Variants in MAP2K5 observed in about 807,000 individuals in gnomAD.
The protein encoded by MAP2K5 is mitogen-activated protein kinase kinase 5.
MAP2K5 carries 49 observed loss-of-function variants against 83.1 expected under a neutral mutation model. The observed-to-expected ratio is 0.59, with a 90% CI of 0.47 to 0.75. The LOEUF (loss-of-function observed/expected upper bound fraction) is 0.75. Ranked by LOEUF, MAP2K5 falls within the 30% of genes least tolerant of loss-of-function variation. The probability of loss-of-function intolerance (pLI) is 0.00; values close to 1 mark genes in which losing one functional copy is unlikely to be tolerated. For synonymous variants in MAP2K5, 202 were observed against 191.8 expected, an observed-to-expected ratio of 1.05 and a Z score of -0.44; for missense variants, 457 against 557.5, an observed-to-expected ratio of 0.82 and a Z score of 1.82.
In MAP2K5 at chr15:67,727,962, C is replaced by T; in HGVS notation, c.1074+17C>T. 6.2e-7 allele frequency: 1 copy of T among 1,605,562 alleles called. No homozygotes were observed. Among genetic ancestry groups the T allele is most frequent in the African/African-American group, 1.3e-5 (1 of 74,840 alleles). Reference sequence around the variant, plus strand: ...TATCCTCAGGTAAGATTGTTCATTACTGCTGTTTGCCACTGTGACATTCAT... The same window carrying T: ...TATCCTCAGGTAAGATTGTTCATTATTGCTGTTTGCCACTGTGACATTCAT... On this transcript the variant is annotated intron_variant, in intron 17 of 21. Coordinates refer to ENST00000178640, the MANE Select transcript of MAP2K5 (RefSeq NM_145160.3).
At chr15:67,728,653 C>T (rs1316430050) in intron 17 of MAP2K5, among the ~76,000 whole-genome samples, 3 of 152,190 alleles carry the variant, frequency 2.0e-5, no homozygotes, top group Admixed American at 6.5e-5. Flanking sequence ...TTGATGTTCA[C>T]TGTTTTTCTG....
At chr15:67,658,175 A>G (rs2087136294) in intron 11 of MAP2K5, among the ~76,000 whole-genome samples, 1 of 152,134 alleles carries the variant, frequency 6.6e-6, no homozygotes, top group African/African-American at 2.4e-5. Context: ...CTAAGATATT[A>G]CCCTGGTTTA....
chr15:67,603,996 C>T (rs936439836), intron 8 of MAP2K5, among the ~76,000 whole-genome samples: 6 of 152,204 alleles, frequency 3.9e-5, no homozygotes, highest in African/African-American at 1.2e-4. Context: ...TTATTCACTT[C>T]ACTTGATGGA....
intron 11 of MAP2K5, among the ~76,000 whole-genome samples, chr15:67,648,425 G>A (rs1474768129): frequency 1.3e-5 from 2 of 151,992 alleles, no homozygotes; most frequent in Non-Finnish European, 2.9e-5. Flanking sequence ...TTTTATTGCT[G>A]AATAACATTT....
At chr15:67,685,487 C>G (rs1478407468) in intron 13 of MAP2K5, among the ~76,000 whole-genome samples, 1 of 152,026 alleles carries the variant, frequency 6.6e-6, no homozygotes, top group Admixed American at 6.6e-5. Flanking sequence ...ATGGTTAGAT[C>G]TACACAAAGG....
At chr15:67,686,434 C>T (rs1456191128) in intron 13 of MAP2K5, among the ~76,000 whole-genome samples, 1 of 151,646 alleles carries the variant, frequency 6.6e-6, no homozygotes, top group Non-Finnish European at 1.5e-5. Context: ...TGGTGAAACC[C>T]CCGTCTCACT....
At chr15:67,664,013 G>A (rs987077389) in intron 12 of MAP2K5, among the ~76,000 whole-genome samples, 1 of 152,088 alleles carries the variant, frequency 6.6e-6, no homozygotes, top group South Asian at 2.1e-4. Context: ...TATGAATTCA[G>A]CATAGGTACT....
In MAP2K5 at chr15:67,793,747, T is replaced by C. The variant is rs1016248650; in HGVS notation, c.1243-12899T>C. Among the ~76,000 whole-genome samples the C allele has an allele frequency of 9.2e-5, 14 of 152,254 alleles. No individual in the cohort carries two copies. The highest frequency in any genetic ancestry group is 2.9e-4 in the African/African-American group (12 of 41,468). ...TGGCCATTTCACTGTATAGAAAATATACTCTTTGATCACGTTGTATATAAA... is the reference window on the plus strand; with the variant it reads ...TGGCCATTTCACTGTATAGAAAATACACTCTTTGATCACGTTGTATATAAA... On this transcript the variant is annotated intron_variant, in intron 21 of 21. Coordinates refer to ENST00000178640, the MANE Select transcript of MAP2K5 (RefSeq NM_145160.3). The surrounding 1 kb of genome is among the most constrained non-coding windows in gnomAD (Gnocchi z 4.6).
Position 67,794,495 on chromosome 15 carries a change from A to G in MAP2K5, c.1243-12151A>G, listed in dbSNP as rs2090570767. 6.6e-6 allele frequency among the ~76,000 whole-genome samples: 1 copy of G among 152,158 alleles called. No homozygotes were observed. The highest frequency in any genetic ancestry group is 2.4e-5 in the African/African-American group (1 of 41,428). On this transcript the variant is annotated intron_variant, in intron 21 of 21. Transcript: ENST00000178640. The surrounding 1 kb of genome is among the most constrained non-coding windows in gnomAD (Gnocchi z 4.6). ...ACTTGAGAATAATTGGTAATTTTCA[A>G]TCCTGTAGAAAACTAGACTAGGTCT... is the stretch of plus-strand genomic sequence containing the variant.
intron 21 of MAP2K5, among the ~76,000 whole-genome samples, chr15:67,797,883 G>T (rs11635413): frequency 6.6e-6 from 1 of 152,024 alleles, no homozygotes; most frequent in East Asian, 1.9e-4. Flanking sequence ...GGGTTTCACC[G>T]TATTGGTCAG....
At chr15:67,670,541 C>T in intron 13 of MAP2K5, 1 of 445,442 alleles carries the variant, frequency 2.2e-6, no homozygotes, top group South Asian at 1.6e-5. Context: ...GCTCTTCTTA[C>T]ATCTTAGCAG....
In MAP2K5 at chr15:67,637,201, A is replaced by G. The variant is rs544470752; in HGVS notation, c.585+6274A>G. Among the ~76,000 whole-genome samples the G allele has an allele frequency of 3.9e-5, 6 of 152,226 alleles. No individual in the cohort carries two copies. In the East Asian group the frequency reaches 9.7e-4, roughly 25 times the overall value. Reference sequence around the variant, plus strand: ...TTGCTCCTCAGCTTGCAGATGGCCTATTGTGGGACTTCACCTTGTCATCCT... The same window carrying G: ...TTGCTCCTCAGCTTGCAGATGGCCTGTTGTGGGACTTCACCTTGTCATCCT... On this transcript the variant is annotated intron_variant, in intron 9 of 21. Coordinates refer to ENST00000178640, the MANE Select transcript of MAP2K5 (RefSeq NM_145160.3). The surrounding 1 kb of genome is among the most constrained non-coding windows in gnomAD (Gnocchi z 4.5).
In MAP2K5 at chr15:67,738,885, C is replaced by T. The variant is rs1310846117; in HGVS notation, c.1075-9346C>T. The stretch of plus-strand genomic sequence containing the variant: ...CCTGTCCACACCTTCAGCCCTCTTG[C>T]TCATCACCATCTCCCTCCGATTACT... On this transcript the variant is annotated intron_variant, in intron 17 of 21. Transcript: ENST00000178640. This position sits in a 1 kb window ranked among gnomAD's most constrained non-coding sequence, Gnocchi z 4.1. Among the ~76,000 whole-genome samples, 3 of 152,212 alleles carry T rather than the reference C, an allele frequency of 2.0e-5. No homozygotes were observed. Among genetic ancestry groups the T allele is most frequent in the Non-Finnish European group, 4.4e-5 (3 of 68,050 alleles).
intron 12 of MAP2K5, among the ~76,000 whole-genome samples, chr15:67,660,101 C>T (rs1376171344): frequency 6.6e-6 from 1 of 152,040 alleles, no homozygotes; most frequent in East Asian, 1.9e-4. Context: ...GTTTTCCCCC[C>T]TAAATATGTG....
chr15:67,662,742 A>G lies in MAP2K5; in HGVS notation c.799-1855A>G, dbSNP rs556073856. On this transcript the variant is annotated intron_variant, in intron 12 of 21. Coordinates refer to ENST00000178640, the MANE Select transcript of MAP2K5 (RefSeq NM_145160.3). ...TTTTTTTCAGTATCTCATTCAACTA[A>G]TTACTCTTAACTCAGGCTATGAGAG... 7.9e-5 allele frequency among the ~76,000 whole-genome samples: 12 copies of G among 152,248 alleles called. No individual in the cohort carries two copies. In the East Asian group the frequency reaches 2.3e-3, roughly 29 times the overall value.
intron 4 of MAP2K5, among the ~76,000 whole-genome samples, chr15:67,583,265 G>A (rs982444487): frequency 6.6e-6 from 1 of 152,136 alleles, no homozygotes; most frequent in African/African-American, 2.4e-5. Context: ...TAATTAGAGT[G>A]TGCATGGGAG....
chr15:67,584,647 T>C (rs1368978553), intron 4 of MAP2K5, among the ~76,000 whole-genome samples: 1 of 151,888 alleles, frequency 6.6e-6, no homozygotes, highest in Non-Finnish European at 1.5e-5. Flanking sequence ...CTGCAGTGTT[T>C]TGTAATTATT....
rs1318310227 is a variant in MAP2K5, at chr15:67,760,436, A to C, written c.1135-9166A>C. ...TATATAAAATTAGATTTTATTAACTATTGCTGAAAAAAATCTATATTTTTA... is the reference window on the plus strand; with the variant it reads ...TATATAAAATTAGATTTTATTAACTCTTGCTGAAAAAAATCTATATTTTTA... On this transcript the variant is annotated intron_variant, in intron 19 of 21. Transcript: ENST00000178640. This position sits in a 1 kb window ranked among gnomAD's most constrained non-coding sequence, Gnocchi z 4.1. Among the ~76,000 whole-genome samples the C allele has an allele frequency of 6.6e-6, 1 of 152,194 alleles. No individual in the cohort carries two copies. The highest frequency in any genetic ancestry group is 1.5e-5 in the Non-Finnish European group (1 of 68,030).
chr15:67,695,819 A>T (rs2088238031), intron 15 of MAP2K5, among the ~76,000 whole-genome samples: 1 of 152,186 alleles, frequency 6.6e-6, no homozygotes, highest in South Asian at 2.1e-4. Flanking sequence ...AAATGTGAGG[A>T]TTAAAATTAT....
Sources: allele counts gnomAD v4.1 joint callset (sites outside exome capture counted in the v4.1 genomes callset), GRCh38; gene constraint gnomAD v4.1.1; non-coding constraint Gnocchi (gnomAD v3.1); transcripts MANE v1.5; gene names NCBI Gene and HGNC (gene_info 2026-07-23, HGNC 2026-07-21).